Variants in EPHB1 observed in about 807,000 individuals in gnomAD.
EPHB1 encodes the protein EPH receptor B1, also known as ephrin type-B receptor 1.
Under a neutral mutation model 94.4 loss-of-function variants are expected in EPHB1, and 30 were observed. That is an observed-to-expected ratio of 0.32 (90% CI 0.24 to 0.43). The LOEUF (loss-of-function observed/expected upper bound fraction) is 0.43, where lower values mean the gene tolerates loss of function less well. Ranked by LOEUF, EPHB1 falls within the 20% of genes least tolerant of loss-of-function variation. The probability of loss-of-function intolerance (pLI) is 1.00; values close to 1 mark genes in which losing one functional copy is unlikely to be tolerated. For missense variants in EPHB1, 1,055 were observed against 1,308.3 expected (o/e 0.81, Z 2.99); for synonymous variants, 522 against 489.1 (o/e 1.07, Z -0.89).
intron 3 of EPHB1, 142 bp downstream of exon 3, chr3:134,952,194 T>C: frequency 3.6e-6 from 3 of 841,362 alleles, no homozygotes; most frequent in Non-Finnish European, 5.4e-6. Context: ...CCATTCCTAG[T>C]GCTAGGCCTG....
At chr3:134,905,322 T>G (rs79674349) in intron 1 of EPHB1, among the ~76,000 whole-genome samples, 7 of 152,188 alleles carry the variant, frequency 4.6e-5, no homozygotes, top group Admixed American at 1.3e-4. Flanking sequence ...AGTTTCCACA[T>G]GCTGCTGGCC....
chr3:134,890,799 A>G (rs1172181101), intron 1 of EPHB1, among the ~76,000 whole-genome samples: 1 of 152,188 alleles, frequency 6.6e-6, no homozygotes, highest in Non-Finnish European at 1.5e-5. Flanking sequence ...CTTCTTAAGT[A>G]TATTTTCAAG....
intron 1 of EPHB1, among the ~76,000 whole-genome samples, chr3:134,799,062 A>G (rs1490381440): frequency 2.6e-5 from 4 of 152,224 alleles, no homozygotes; most frequent in Non-Finnish European, 5.9e-5. Flanking sequence ...AGGGTTGACA[A>G]GTAGTGGGTT....
At chr3:135,191,615 A>G (rs1942457988) in intron 10 of EPHB1, among the ~76,000 whole-genome samples, 1 of 152,114 alleles carries the variant, frequency 6.6e-6, no homozygotes, top group Non-Finnish European at 1.5e-5. Flanking sequence ...TTTTGAAAGC[A>G]TGTTAAACAG....
At chr3:134,983,844 A>G (rs1934501401) in intron 3 of EPHB1, among the ~76,000 whole-genome samples, 1 of 152,156 alleles carries the variant, frequency 6.6e-6, no homozygotes, top group Non-Finnish European at 1.5e-5. Flanking sequence ...AGTCTGGACA[A>G]GTTTTTAGAA....
In EPHB1 at chr3:135,259,171, G is replaced by A; in HGVS notation, c.*51G>A. The A allele has an allele frequency of 7.1e-7, 1 of 1,413,600 alleles. No homozygotes were observed. Among genetic ancestry groups the A allele is most frequent in the Non-Finnish European group, 9.8e-7 (1 of 1,018,430 alleles). The allele number at this position is 1,413,600 out of a possible 1,614,324, so 87.6% of individuals were successfully genotyped here. On this transcript the variant is annotated 3_prime_UTR_variant, in exon 16 of 16. Coordinates refer to ENST00000398015, the MANE Select transcript of EPHB1 (RefSeq NM_004441.5). ...AGGAGGGAAAAGGACCAGGGTCAAG[G>A]GGGACCAGAGGTTGACCACTGTGGA...
At chr3:135,147,156 T>A (rs1576426058) in intron 5 of EPHB1, among the ~76,000 whole-genome samples, 1 of 152,164 alleles carries the variant, frequency 6.6e-6, no homozygotes, top group African/African-American at 2.4e-5. Context: ...TTCTGCTAAC[T>A]CCTGCTGCTC....
chr3:134,906,224 T>G (rs1173833026), intron 1 of EPHB1, among the ~76,000 whole-genome samples: 1 of 152,264 alleles, frequency 6.6e-6, no homozygotes, highest in Admixed American at 6.5e-5. Flanking sequence ...TGAATTTTGT[T>G]GAAACCATTT....
At chr3:135,184,449 A>G (rs1478474278) in intron 10 of EPHB1, among the ~76,000 whole-genome samples, 1 of 152,236 alleles carries the variant, frequency 6.6e-6, no homozygotes, top group Non-Finnish European at 1.5e-5. Context: ...TTAAGTAATT[A>G]TTTGTTTAAT....
At chr3:135,119,951 C>T (rs1455602695) in intron 4 of EPHB1, among the ~76,000 whole-genome samples, 2 of 152,066 alleles carry the variant, frequency 1.3e-5, no homozygotes, top group African/African-American at 4.8e-5. Context: ...GTATGTTTGT[C>T]TTTATTCTTT....
intron 3 of EPHB1, among the ~76,000 whole-genome samples, chr3:134,959,622 A>C (rs1933425924): frequency 6.6e-6 from 1 of 152,054 alleles, no homozygotes; most frequent in South Asian, 2.1e-4. Context: ...CCTCCTTTTT[A>C]ATCCCTCTAG....
chr3:135,182,917 C>T (rs1198563467), intron 10 of EPHB1, among the ~76,000 whole-genome samples: 2 of 152,112 alleles, frequency 1.3e-5, no homozygotes, highest in Admixed American at 6.5e-5. Flanking sequence ...TGGGAATGGG[C>T]AAATGCTACA....
At position 134,822,046 on chromosome 3, in the gene EPHB1, T is replaced by C. The variant is rs549644806; in HGVS notation, c.58+26357T>C. Among the ~76,000 whole-genome samples, 510 of 152,308 alleles carry C rather than the reference T, an allele frequency of 3.3e-3. 4 individuals are homozygous for C. Among genetic ancestry groups the C allele is most frequent in the Non-Finnish European group, 5.5e-3 (373 of 68,018 alleles). On this transcript the variant is annotated intron_variant, in intron 1 of 15. Transcript: ENST00000398015. Reference sequence around the variant, plus strand: ...GAGGAAGGGAGCTCCCCATAAGTCCTTGTGCTGCCTGAGATGAGTATAGGA... The same window carrying C: ...GAGGAAGGGAGCTCCCCATAAGTCCCTGTGCTGCCTGAGATGAGTATAGGA...
chr3:134,878,740 T>G (rs1222186909), intron 1 of EPHB1, among the ~76,000 whole-genome samples: 1 of 152,236 alleles, frequency 6.6e-6, no homozygotes, highest in East Asian at 1.9e-4. Context: ...CCAACCACCC[T>G]GATGAATTTT....
intron 1 of EPHB1, among the ~76,000 whole-genome samples, chr3:134,803,066 G>A (rs1369493395): frequency 6.6e-6 from 1 of 152,208 alleles, no homozygotes; most frequent in Non-Finnish European, 1.5e-5. Context: ...AGCACCACTA[G>A]CAGCTGCTTA....
intron 1 of EPHB1, among the ~76,000 whole-genome samples, chr3:134,804,479 T>C (rs1215094613): frequency 6.6e-6 from 1 of 152,070 alleles, no homozygotes; most frequent in Non-Finnish European, 1.5e-5. Flanking sequence ...TCAATGTCCA[T>C]CTAGATATTG....
chr3:134,964,463 T>C (rs976448092), intron 3 of EPHB1, among the ~76,000 whole-genome samples: 2 of 152,264 alleles, frequency 1.3e-5, no homozygotes, highest in African/African-American at 4.8e-5. Flanking sequence ...GCAACGTGTG[T>C]ATTTCAAGTG....
intron 12 of EPHB1, among the ~76,000 whole-genome samples, chr3:135,230,781 C>A (rs903650568): frequency 2.0e-5 from 3 of 152,086 alleles, no homozygotes; most frequent in African/African-American, 7.2e-5. Context: ...TATGTGTGCT[C>A]CATGTTTAGC....
At chr3:135,219,670 T>C (rs934156282) in intron 12 of EPHB1, among the ~76,000 whole-genome samples, 11 of 152,356 alleles carry the variant, frequency 7.2e-5, no homozygotes, top group African/African-American at 2.4e-4. Context: ...GTTGGCAATG[T>C]AATTTTGCAG....
Sources: allele counts gnomAD v4.1 joint callset (sites outside exome capture counted in the v4.1 genomes callset), GRCh38; gene constraint gnomAD v4.1.1; transcripts MANE v1.5; gene names NCBI Gene and HGNC (gene_info 2026-07-23, HGNC 2026-07-21).